The following CCKAR variants were observed in gnomAD, a reference collection of about 807,000 sequenced individuals.
The protein encoded by CCKAR is cholecystokinin A receptor.
A neutral mutation model predicts 29.8 loss-of-function variants in CCKAR; 21 were observed. The observed-to-expected ratio is 0.70, with a 90% CI of 0.50 to 1.01. CCKAR has a LOEUF of 1.01. Ranked by LOEUF, CCKAR falls within the 50% of genes least tolerant of loss-of-function variation. The pLI, the probability that CCKAR is intolerant of heterozygous loss-of-function variation, is 0.00. For missense variants in CCKAR, 570 were observed against 560.6 expected (o/e 1.02, Z -0.17); for synonymous variants, 238 against 221.3 (o/e 1.08, Z -0.67).
In CCKAR at chr4:26,483,285, T is replaced by C. The variant is rs752324124; in HGVS notation, c.627-2A>G. ...AGGATGAGTAACAGGAATGTGTGCCTAATGAAATCAAAAGAAATCCAATAA... is the reference window on the plus strand; with the variant it reads ...AGGATGAGTAACAGGAATGTGTGCCCAATGAAATCAAAAGAAATCCAATAA... On this transcript the variant is annotated splice_acceptor_variant, in intron 3 of 4. Coordinates refer to ENST00000295589, the MANE Select transcript of CCKAR (RefSeq NM_000730.3). LOFTEE classifies it high-confidence loss of function. 2.5e-6 allele frequency: 4 copies of C among 1,611,790 alleles called. No homozygotes were observed. Among genetic ancestry groups the C allele is most frequent in the South Asian group, 1.1e-5 (1 of 90,266 alleles).
Position 26,483,177 on chromosome 4 carries a change from T to C in CCKAR, c.733A>G (p.Ser245Gly). 8 of 1,613,866 alleles carry C rather than the reference T, an allele frequency of 5.0e-6. No individual in the cohort carries two copies. Among genetic ancestry groups the C allele is most frequent in the Non-Finnish European group, 6.8e-6 (8 of 1,179,918 alleles). The stretch of plus-strand genomic sequence containing the variant: ...TTACCTTTAGCAGACTTCTTCTGGC[T>C]AGCCTCAAATTTTATTCCCTGGTAG... ...ELYQGIKFEA[S>G]QKKSAKERKP... The change falls in exon 4 of 5, where the codon AGC becomes GGC. Residue 245 changes from serine to glycine, a missense_variant. Physicochemically the swap from Ser to Gly is moderately conservative, Grantham distance 56. Coordinates refer to ENST00000295589, the MANE Select transcript of CCKAR (RefSeq NM_000730.3).
intron 3 of CCKAR, among the ~76,000 whole-genome samples, chr4:26,484,697 A>G (rs1241045791): frequency 1.3e-5 from 2 of 151,998 alleles, no homozygotes; most frequent in Admixed American, 6.5e-5. Context: ...CTGCAGCTCT[A>G]AGAAAAACCA....
At chr4:26,483,018 T>C in intron 4 of CCKAR, 138 bp downstream of exon 4, 1 of 817,408 alleles carries the variant, frequency 1.2e-6, no homozygotes, top group Admixed American at 2.6e-5. Flanking sequence ...TGACTGTGCT[T>C]CTTGACACAG....
Position 26,490,275 on chromosome 4 carries a change from T to G in CCKAR, c.-8A>C, listed in dbSNP as rs781117941. The G allele has an allele frequency of 6.3e-7, 1 of 1,577,728 alleles. No individual in the cohort carries two copies. Among genetic ancestry groups the G allele is most frequent in the East Asian group, 2.2e-5 (1 of 44,682 alleles). On this transcript the variant is annotated 5_prime_UTR_variant, in exon 1 of 5. Coordinates refer to ENST00000295589, the MANE Select transcript of CCKAR (RefSeq NM_000730.3). ...GCTGTCAACCACATCCATCCTTGCC[T>G]GCTGCTTTCCACCAAGTGCTGGAGA... is the stretch of plus-strand genomic sequence containing the variant.
At chr4:26,485,029 T>C (rs1294499693) in intron 3 of CCKAR, among the ~76,000 whole-genome samples, 1 of 151,034 alleles carries the variant, frequency 6.6e-6, no homozygotes, top group Non-Finnish European at 1.5e-5. Flanking sequence ...CCACCTCTAA[T>C]AAAAATGCAA....
In CCKAR at chr4:26,489,206, CAGAA is replaced by C. The variant is rs1374499229; in HGVS notation, c.364+23_364+26del. 1.4e-5 allele frequency: 22 copies of C among 1,613,218 alleles called. No individual in the cohort carries two copies. The East Asian group carries it at 4.9e-4, about 36-fold the overall frequency. On this transcript the variant is annotated intron_variant, in intron 2 of 4. Coordinates refer to ENST00000295589, the MANE Select transcript of CCKAR (RefSeq NM_000730.3). ...GCTGAGTGGGGTCTGGGGCAAGCTC[CAGAA>C]AGAGTCACCAGCAGCAACTTACCCA...
Position 26,481,769 on chromosome 4 carries a change from G to C in CCKAR, c.1156C>G (p.Pro386Ala), listed in dbSNP as rs1156779422. Residue 386 changes from proline to alanine, a missense_variant, in exon 5 of 5, where the codon CCC becomes GCC. Physicochemically the swap from Pro to Ala is conservative, Grantham distance 27 (BLOSUM62 -1). Transcript: ENST00000295589. ...RFRLGFMATFPCCPNPGPPGA... is the reference protein window; with the variant it reads ...RFRLGFMATFACCPNPGPPGA... ...GGGGGACCAGGATTGGGGCAGCAGG[G>C]GAAGGTGGCCATGAAGCCGAGGCGG... 1 of 1,614,128 alleles carries C rather than the reference G, an allele frequency of 6.2e-7. No individual in the cohort carries two copies. Among genetic ancestry groups the C allele is most frequent in the Non-Finnish European group, 8.5e-7 (1 of 1,180,008 alleles).
chr4:26,481,740 C>T lies in CCKAR; in HGVS notation c.1185G>A (p.Gly395=). 1 of 1,614,194 alleles carries T rather than the reference C, an allele frequency of 6.2e-7. No homozygotes were observed. Among genetic ancestry groups the T allele is most frequent in the East Asian group, 2.2e-5 (1 of 44,872 alleles). The change falls in exon 5 of 5, where the codon GGG becomes GGA. Residue 395 remains glycine (G), a synonymous_variant. Transcript: ENST00000295589. ...FPCCPNPGPP[G]ARGEVGEEEE... ...CCTCCTCCCCCACCTCTCCCCTCGC[C>T]CCTGGGGGACCAGGATTGGGGCAGC...
In CCKAR at chr4:26,485,815, G is replaced by C. The variant is rs761548233; in HGVS notation, c.448C>G (p.Arg150Gly). Residue 150 changes from arginine to glycine, a missense_variant, in exon 3 of 5, where the codon CGG (arginine) becomes GGG (glycine). By Grantham distance (125) the Arg-to-Gly change is moderately radical. Transcript: ENST00000295589. ...GCATGGGATTTTGTCTGCCAGACCC[G>C]GGACTGTAAGGGTTTGCAAATCGCA... ...YGAICKPLQS[R>G]VWQTKSHALK... 1 of 1,613,840 alleles carries C rather than the reference G, an allele frequency of 6.2e-7. No homozygotes were observed. Among genetic ancestry groups the C allele is most frequent in the Non-Finnish European group, 8.5e-7 (1 of 1,179,956 alleles).
chr4:26,482,624 G>A (rs1406152807), intron 4 of CCKAR, among the ~76,000 whole-genome samples: 2 of 152,158 alleles, frequency 1.3e-5, no homozygotes, highest in Non-Finnish European at 2.9e-5. Flanking sequence ...GGAGTGAGAA[G>A]GGAAAAGCTA....
chr4:26,483,373 A>G (rs1560368340), intron 3 of CCKAR, 90 bp from the exon 4 acceptor site: 7 of 1,329,648 alleles, frequency 5.3e-6, no homozygotes, highest in Non-Finnish European at 6.2e-6. Context: ...GTTTATTTTT[A>G]CTGGCCTGAG....
At position 26,482,054 on chromosome 4, in the gene CCKAR, T is replaced by G; in HGVS notation, c.871A>C (p.Ser291Arg). 1 of 1,614,236 alleles carries G rather than the reference T, an allele frequency of 6.2e-7. No homozygotes were observed. Among genetic ancestry groups the G allele is most frequent in the African/African-American group, 1.3e-5 (1 of 75,068 alleles). The change falls in exon 5 of 5, where the codon AGC (serine) becomes CGC (arginine). Residue 291 changes from serine to arginine, a missense_variant. Transcript: ENST00000295589. ...TTACTCCGGATGCGGTTGGCCCTGC[T>G]GCTGCTGCCGGTGGACAGCTGCCGG... is the stretch of plus-strand genomic sequence containing the variant. ...ELRQLSTGSS[S>R]RANRIRSNSS...
Position 26,490,163 on chromosome 4 carries a change from A to G in CCKAR, c.105T>C (p.Pro35=). The G allele has an allele frequency of 1.2e-6, 2 of 1,607,972 alleles. No homozygotes were observed. The highest frequency in any genetic ancestry group is 1.7e-6 in the Non-Finnish European group (2 of 1,174,798). Residue 35 remains proline (P), a synonymous_variant, in exon 1 of 5, where the codon CCT becomes CCC. Transcript: ENST00000295589. The part of the protein sequence containing the change: ...ETLFCLDQPR[P]SKEWQPAVQI... ...ACAGCTTCCGACACTTACCTTTGGA[A>G]GGACGGGGCTGATCCAAGCAGAAAA...
At position 26,481,459 on chromosome 4, in the gene CCKAR, C is replaced by T; in HGVS notation, c.*179G>A. 2 of 680,444 alleles carry T rather than the reference C, an allele frequency of 2.9e-6. No individual in the cohort carries two copies. The highest frequency in any genetic ancestry group is 2.6e-5 in the East Asian group (1 of 37,870). The allele number at this position is 680,444 out of a possible 1,614,324, so 42.2% of individuals were successfully genotyped here. On this transcript the variant is annotated 3_prime_UTR_variant, in exon 5 of 5. Coordinates refer to ENST00000295589, the MANE Select transcript of CCKAR (RefSeq NM_000730.3). Reference sequence around the variant, plus strand: ...TGCCTAGAAACCAATCATGGCCCCACTGGAGCAGTGCTCTGGAATCCAGAT... The same window carrying T: ...TGCCTAGAAACCAATCATGGCCCCATTGGAGCAGTGCTCTGGAATCCAGAT...
At chr4:26,484,513 T>C (rs991340689) in intron 3 of CCKAR, among the ~76,000 whole-genome samples, 5 of 152,204 alleles carry the variant, frequency 3.3e-5, no homozygotes, top group Non-Finnish European at 5.9e-5. Flanking sequence ...AGCCACCCAA[T>C]GAGGTAGATT....
In CCKAR at chr4:26,489,412, A is replaced by T. The variant is rs140111780; in HGVS notation, c.185T>A (p.Val62Asp). The T allele has an allele frequency of 6.2e-7, 1 of 1,614,172 alleles. No individual in the cohort carries two copies. Among genetic ancestry groups the T allele is most frequent in the Non-Finnish European group, 8.5e-7 (1 of 1,180,032 alleles). ...FLLSVLGNTLVITVLIRNKRM... is the reference protein window; with the variant it reads ...FLLSVLGNTLDITVLIRNKRM... ...CTTGTTCCGAATCAGCACGGTGATG[A>T]CCAGCGTGTTTCCCAGCACGCTGAG... is the stretch of plus-strand genomic sequence containing the variant. The change falls in exon 2 of 5, where the codon GTC (valine) becomes GAC (aspartate). Residue 62 changes from valine (V) to aspartate (D), a missense_variant. Transcript: ENST00000295589.
rs1263674429 is a variant in CCKAR, at chr4:26,485,625, A to G, written c.626+12T>C. ...CAAGCTGTATTTTTAAAAATAAACA[A>G]TGCAACCTTACCAGGACTGCTGCAT... On this transcript the variant is annotated intron_variant, in intron 3 of 4. Coordinates refer to ENST00000295589, the MANE Select transcript of CCKAR (RefSeq NM_000730.3). The G allele has an allele frequency of 3.7e-6, 6 of 1,612,084 alleles. No individual in the cohort carries two copies. Among genetic ancestry groups the G allele is most frequent in the Non-Finnish European group, 1.7e-6 (2 of 1,178,280 alleles).
chr4:26,488,415 A>G (rs1185557532), intron 2 of CCKAR, among the ~76,000 whole-genome samples: 2 of 152,198 alleles, frequency 1.3e-5, no homozygotes, highest in Non-Finnish European at 2.9e-5. Context: ...AGGAAGAATC[A>G]TTGCATTTAC....
chr4:26,489,574 T>C (rs1445454641), intron 1 of CCKAR, 90 bp from the exon 2 acceptor site: 6 of 1,486,168 alleles, frequency 4.0e-6, no homozygotes, highest in Non-Finnish European at 5.5e-6. Context: ...CCTGCCGATT[T>C]TCCCCCCACC....
Sources: allele counts gnomAD v4.1 joint callset (sites outside exome capture counted in the v4.1 genomes callset), GRCh38; gene constraint gnomAD v4.1.1; transcripts MANE v1.5; gene names NCBI Gene and HGNC (gene_info 2026-07-23, HGNC 2026-07-21).